The following CNOT4 variants were observed in gnomAD, a reference collection of about 807,000 sequenced individuals.
CNOT4 encodes the protein CCR4-NOT transcription complex subunit 4.
In CNOT4, 8 loss-of-function variants were observed where a neutral mutation model predicts 73.8. The ratio of observed to expected loss-of-function variants is 0.11; its 90% confidence interval spans 0.06 to 0.20. The LOEUF is 0.20. Among genes scored for constraint, CNOT4 ranks in the 10% least tolerant of loss-of-function variants. The pLI, the probability that CNOT4 is intolerant of heterozygous loss-of-function variation, is 1.00. For synonymous variants in CNOT4, 293 were observed against 321.1 expected (o/e 0.91, Z 0.94); for missense variants, 564 against 883.4 (o/e 0.64, Z 4.58).
intron 1 of CNOT4, among the ~76,000 whole-genome samples, chr7:135,453,846 A>T (rs1047539632): frequency 2.4e-5 from 3 of 123,252 alleles, no homozygotes; most frequent in Admixed American, 1.7e-4. Context: ...ATATATATAT[A>T]TTATATATAT....
intron 3 of CNOT4, among the ~76,000 whole-genome samples, chr7:135,417,867 C>A (rs997725451): frequency 6.6e-6 from 1 of 152,182 alleles, no homozygotes; most frequent in Non-Finnish European, 1.5e-5. Flanking sequence ...AGTTGCTGTG[C>A]CAGAAGCACT....
chr7:135,415,993 T>C (rs190354310), intron 3 of CNOT4, among the ~76,000 whole-genome samples: 24 of 152,266 alleles, frequency 1.6e-4, no homozygotes, highest in African/African-American at 5.1e-4. Flanking sequence ...CTATATGCAT[T>C]CTTTCAGCTT....
At chr7:135,491,647 A>G (rs1803118556) in intron 1 of CNOT4, among the ~76,000 whole-genome samples, 1 of 152,228 alleles carries the variant, frequency 6.6e-6, no homozygotes, top group Admixed American at 6.5e-5. Flanking sequence ...AATTAGGACA[A>G]GTGCATTTAG....
chr7:135,445,182 AGACTCACAG>A (rs1375352417), intron 1 of CNOT4, among the ~76,000 whole-genome samples: 1 of 152,192 alleles, frequency 6.6e-6, no homozygotes, highest in Non-Finnish European at 1.5e-5. Context: ...GCTTCTTATA[AGACTCACAG>A]TATAGCTAAA....
At chr7:135,371,489 G>A (rs548121603) in intron 10 of CNOT4, among the ~76,000 whole-genome samples, 4 of 152,180 alleles carry the variant, frequency 2.6e-5, no homozygotes, top group Non-Finnish European at 4.4e-5. Context: ...AAGAGGGAAA[G>A]GGCATCCCAT....
intron 1 of CNOT4, among the ~76,000 whole-genome samples, chr7:135,460,544 T>C (rs1439022958): frequency 1.3e-5 from 2 of 152,108 alleles, no homozygotes; most frequent in Admixed American, 6.6e-5. Context: ...TTAATTAAGT[T>C]CATCATTTTA....
At chr7:135,378,234 TG>T (rs1795627633) in intron 10 of CNOT4, among the ~76,000 whole-genome samples, 1 of 152,202 alleles carries the variant, frequency 6.6e-6, no homozygotes, top group South Asian at 2.1e-4. Context: ...CTGGGCGCAG[TG>T]GGTCACGCCT....
At chr7:135,452,073 C>A (rs903592292) in intron 1 of CNOT4, among the ~76,000 whole-genome samples, 7 of 151,510 alleles carry the variant, frequency 4.6e-5, no homozygotes, top group Non-Finnish European at 7.4e-5. Flanking sequence ...CATAGCGAGA[C>A]CCTATCAGTA....
intron 1 of CNOT4, among the ~76,000 whole-genome samples, chr7:135,479,528 C>T (rs1004674723): frequency 2.6e-5 from 4 of 151,808 alleles, no homozygotes; most frequent in African/African-American, 9.7e-5. Flanking sequence ...TATTTTAATC[C>T]TCACCAATCT....
chr7:135,392,813 C>T (rs1047517723), intron 10 of CNOT4, among the ~76,000 whole-genome samples: 6 of 152,112 alleles, frequency 3.9e-5, no homozygotes, highest in East Asian at 1.9e-4. Context: ...GAAATATTGT[C>T]GGTCCCAAAG....
At chr7:135,387,840 G>A (rs1337692977) in intron 10 of CNOT4, 1 of 978,466 alleles carries the variant, frequency 1.0e-6, no homozygotes, top group Non-Finnish European at 1.2e-6. Flanking sequence ...CAATTTAGGT[G>A]GCCTAATTTT....
intron 1 of CNOT4, among the ~76,000 whole-genome samples, chr7:135,475,526 T>C (rs747730099): frequency 1.3e-5 from 2 of 152,170 alleles, no homozygotes; most frequent in African/African-American, 2.4e-5. Context: ...AGCTACAATT[T>C]ACAAAATTAA....
intron 1 of CNOT4, among the ~76,000 whole-genome samples, chr7:135,468,913 A>T (rs951902844): frequency 5.3e-5 from 8 of 152,314 alleles, no homozygotes; most frequent in African/African-American, 1.9e-4. Context: ...AGAAGAGGAT[A>T]TGGGACCAAG....
intron 1 of CNOT4, among the ~76,000 whole-genome samples, chr7:135,464,600 A>G (rs1801106478): frequency 6.6e-6 from 1 of 152,110 alleles, no homozygotes; most frequent in African/African-American, 2.4e-5. Context: ...ACTGGGCTTA[A>G]TATCTGGGTG....
At position 135,363,545 on chromosome 7, in the gene CNOT4, T is replaced by C. The variant is rs1179422040; in HGVS notation, c.1840+309A>G. ...GAGCTTTATAACAAAAAGTGGAGTA[T>C]GTTCCTTATAAGAAGAGTAAGTCAG... is the stretch of plus-strand genomic sequence containing the variant. On this transcript the variant is annotated intron_variant, in intron 11 of 11. Transcript: ENST00000541284. The surrounding 1 kb of genome is among the most constrained non-coding windows in gnomAD (Gnocchi z 4.3). Among the ~76,000 whole-genome samples, 1 of 152,222 alleles carries C rather than the reference T, an allele frequency of 6.6e-6. No homozygotes were observed. Among genetic ancestry groups the C allele is most frequent in the Non-Finnish European group, 1.5e-5 (1 of 68,044 alleles).
At chr7:135,412,703 C>A (rs1011281005) in intron 6 of CNOT4, among the ~76,000 whole-genome samples, 9 of 151,866 alleles carry the variant, frequency 5.9e-5, no homozygotes, top group Admixed American at 6.6e-5. Flanking sequence ...CTAGTTTGAC[C>A]TGGAGAATGA....
chr7:135,486,319 T>C (rs1294919820), intron 1 of CNOT4, among the ~76,000 whole-genome samples: 1 of 152,170 alleles, frequency 6.6e-6, no homozygotes, highest in Non-Finnish European at 1.5e-5. Context: ...TGAACATCTT[T>C]AGCCATTAGG....
Position 135,389,104 on chromosome 7 carries a change from A to G in CNOT4, c.1627+4814T>C, listed in dbSNP as rs192440157. Among the ~76,000 whole-genome samples the G allele has an allele frequency of 1.3e-4, 19 of 144,876 alleles. No homozygotes were observed. In the East Asian group the frequency reaches 2.7e-3, roughly 21 times the overall value. ...ATATTCTAAATATATCCTGAGTAAT[A>G]TTGTTTCAGAGATAAGAACAAATAC... On this transcript the variant is annotated intron_variant, in intron 10 of 11. Transcript: ENST00000541284.
At chr7:135,374,590 A>G (rs530966086) in intron 10 of CNOT4, among the ~76,000 whole-genome samples, 63 of 152,260 alleles carry the variant, frequency 4.1e-4, no homozygotes, top group Middle Eastern at 6.8e-3. Context: ...CGGAAAGCCA[A>G]TTCTACAGAT....
Sources: gnomAD v4.1 joint callset for allele counts (sites outside exome capture counted in the v4.1 genomes callset) on GRCh38, gnomAD v4.1.1 for gene constraint, Gnocchi (gnomAD v3.1) non-coding constraint, MANE v1.5 for transcripts, NCBI Gene and HGNC (gene_info 2026-07-23, HGNC 2026-07-21) for gene names.